PRKG1: variants seen among roughly 807,000 people sequenced by gnomAD.
PRKG1 encodes the protein cGMP-dependent protein kinase 1.
PRKG1 carries 35 observed loss-of-function variants against 88.1 expected under a neutral mutation model. That is an observed-to-expected ratio of 0.40 (90% confidence interval 0.30 to 0.53). PRKG1 has a LOEUF of 0.53. PRKG1 is among the 20% of genes least tolerant of loss of function. PRKG1 has a pLI of 0.59. For synonymous variants in PRKG1, 303 were observed against 292.5 expected, an observed-to-expected ratio of 1.04 and a Z score of -0.37; for missense variants, 540 against 839.8, an observed-to-expected ratio of 0.64 and a Z score of 4.41.
At chr10:51,291,761 A>G (rs1840589478) in intron 2 of PRKG1, among the ~76,000 whole-genome samples, 1 of 152,192 alleles carries the variant, frequency 6.6e-6, no homozygotes. Flanking sequence ...TTAGTAGCTC[A>G]TAACATTAGT....
At chr10:52,031,087 C>T (rs1482684231) in intron 5 of PRKG1, among the ~76,000 whole-genome samples, 1 of 151,872 alleles carries the variant, frequency 6.6e-6, no homozygotes, top group African/African-American at 2.4e-5. Flanking sequence ...GCTCATTATC[C>T]CTAATGTCAT....
intron 3 of PRKG1, among the ~76,000 whole-genome samples, chr10:51,474,908 C>T (rs1462374238): frequency 6.6e-6 from 1 of 151,900 alleles, no homozygotes; most frequent in Non-Finnish European, 1.5e-5. Flanking sequence ...ATTTCTAAGT[C>T]ATCATGATAA....
chr10:51,650,523 C>T lies in PRKG1; in HGVS notation c.593-154062C>T, dbSNP rs1840014650. On this transcript the variant is annotated intron_variant, in intron 3 of 17. Coordinates refer to ENST00000373980, the MANE Select transcript of PRKG1 (RefSeq NM_006258.4). ...TTAGTTCTTAGAGTATTAAAGAATT[C>T]AGTGTTGACTTTCAAACTATTATCT... is the stretch of plus-strand genomic sequence containing the variant. Among the ~76,000 whole-genome samples, 4 of 152,282 alleles carry T rather than the reference C, an allele frequency of 2.6e-5. No homozygotes were observed. The South Asian group carries it at 8.3e-4, about 32-fold the overall frequency.
At chr10:51,374,108 A>ATATATATATATATATATATATATATATG (rs1842766587) in intron 2 of PRKG1, among the ~76,000 whole-genome samples, 1 of 142,856 alleles carries the variant, frequency 7.0e-6, no homozygotes, top group African/African-American at 2.5e-5. Context: ...ATATATATAT[A>ATATATATATATATATATATATATATATG]TATATGTACT....
At chr10:51,215,860 TA>T (rs1167555915) in intron 2 of PRKG1, among the ~76,000 whole-genome samples, 2 of 152,188 alleles carry the variant, frequency 1.3e-5, no homozygotes, top group Non-Finnish European at 1.5e-5. Context: ...GTAGAAAACC[TA>T]AAGCAGAGTA....
intron 3 of PRKG1, among the ~76,000 whole-genome samples, chr10:51,751,348 A>G (rs893972329): frequency 3.3e-5 from 5 of 152,150 alleles, no homozygotes; most frequent in African/African-American, 1.2e-4. Flanking sequence ...AGCGATTATC[A>G]TGCCTCAGCC....
intron 7 of PRKG1, among the ~76,000 whole-genome samples, chr10:52,125,009 G>A (rs747233314): frequency 3.9e-5 from 6 of 152,050 alleles, no homozygotes; most frequent in Admixed American, 1.3e-4. Context: ...ACTAGCCTGA[G>A]GCTCTTTTAT....
chr10:52,128,638 A>C, intron 7 of PRKG1: 2 of 945,920 alleles, frequency 2.1e-6, no homozygotes, highest in Non-Finnish European at 2.5e-6. Flanking sequence ...TGAAAATGTT[A>C]GAAGTGGCTT....
chr10:51,941,054 T>G (rs953783628), intron 5 of PRKG1, among the ~76,000 whole-genome samples: 1 of 151,944 alleles, frequency 6.6e-6, no homozygotes, highest in Non-Finnish European at 1.5e-5. Context: ...CTCTATTTTA[T>G]TAAATTTCAG....
chr10:51,124,768 G>A (rs758500845), intron 1 of PRKG1, among the ~76,000 whole-genome samples: 1 of 152,088 alleles, frequency 6.6e-6, no homozygotes, highest in Non-Finnish European at 1.5e-5. Context: ...AACTCCAAAC[G>A]GGCTGAATGA....
At chr10:51,796,955 C>T (rs982431857) in intron 3 of PRKG1, among the ~76,000 whole-genome samples, 2 of 152,050 alleles carry the variant, frequency 1.3e-5, no homozygotes, top group African/African-American at 2.4e-5. Context: ...ACTAATACAA[C>T]TATCTTTGCT....
At chr10:51,458,742 C>G (rs10508939) in intron 2 of PRKG1, among the ~76,000 whole-genome samples, 3,686 of 152,206 alleles carry the variant, frequency 0.024, 160 homozygotes, top group African/African-American at 0.083. Context: ...CATGTAATCT[C>G]TGATTGAAGC....
At chr10:51,080,993 CAA>C (rs1343731626) in intron 1 of PRKG1, among the ~76,000 whole-genome samples, 2 of 152,192 alleles carry the variant, frequency 1.3e-5, no homozygotes, top group Non-Finnish European at 2.9e-5. Context: ...TTCAGCTACA[CAA>C]AACAGATGTT....
intron 5 of PRKG1, among the ~76,000 whole-genome samples, chr10:51,998,462 C>T (rs892417145): frequency 1.3e-5 from 2 of 152,016 alleles, no homozygotes; most frequent in Non-Finnish European, 2.9e-5. Flanking sequence ...TTGGAGTAGT[C>T]ATTACTTTTT....
chr10:51,231,709 CA>C (rs1213969788), intron 2 of PRKG1, among the ~76,000 whole-genome samples: 6 of 150,016 alleles, frequency 4.0e-5, no homozygotes, highest in African/African-American at 1.5e-4. Context: ...ACATCTGAAA[CA>C]TTTTTTTTTT....
At chr10:51,705,601 T>C (rs1841585959) in intron 3 of PRKG1, among the ~76,000 whole-genome samples, 1 of 152,226 alleles carries the variant, frequency 6.6e-6, no homozygotes, top group Admixed American at 6.5e-5. Context: ...ATACAGATGC[T>C]TTATAAAGGC....
At chr10:51,698,682 G>T in intron 3 of PRKG1, 13 of 1,614,210 alleles carry the variant, frequency 8.1e-6, no homozygotes, top group Non-Finnish European at 1.1e-5. Context: ...GGCATTCCAA[G>T]TTGGGGCTGC....
At chr10:52,082,097 G>T (rs1468946466) in intron 7 of PRKG1, among the ~76,000 whole-genome samples, 1 of 151,994 alleles carries the variant, frequency 6.6e-6, no homozygotes, top group East Asian at 1.9e-4. Flanking sequence ...ACATGAAGGC[G>T]GCAAGAAGAA....
chr10:51,683,342 A>AACAAT (rs1431170879), intron 3 of PRKG1, among the ~76,000 whole-genome samples: 3 of 151,772 alleles, frequency 2.0e-5, no homozygotes, highest in Admixed American at 2.0e-4. Context: ...AACAAAACAA[A>AACAAT]ACAAAACACC....
Sources: allele counts gnomAD v4.1 joint callset (sites outside exome capture counted in the v4.1 genomes callset), GRCh38; gene constraint gnomAD v4.1.1; transcripts MANE v1.5; gene names NCBI Gene and HGNC (gene_info 2026-07-23, HGNC 2026-07-21).